Variants in MARCHF1 observed in about 807,000 individuals in gnomAD.
MARCHF1 encodes E3 ubiquitin-protein ligase MARCHF1.
A neutral mutation model predicts 54.2 loss-of-function variants in MARCHF1; 40 were observed. The ratio of observed to expected loss-of-function variants is 0.74; its 90% CI spans 0.57 to 0.96. MARCHF1 has a LOEUF of 0.96. Among genes scored for constraint, MARCHF1 ranks in the 40% least tolerant of loss-of-function variants. The pLI is 0.00. For synonymous variants in MARCHF1, 236 were observed against 236.3 expected, an observed-to-expected ratio of 1.00 and a Z score of 0.01; for missense variants, 586 against 656.5, an observed-to-expected ratio of 0.89 and a Z score of 1.17.
At chr4:163,948,498 T>C (rs1752066680) in intron 3 of MARCHF1, among the ~76,000 whole-genome samples, 1 of 152,224 alleles carries the variant, frequency 6.6e-6, no homozygotes, top group African/African-American at 2.4e-5. Context: ...AAGTAGTATG[T>C]GATTAGTCAT....
chr4:164,306,569 G>A (rs950108747), intron 1 of MARCHF1, among the ~76,000 whole-genome samples: 8 of 152,008 alleles, frequency 5.3e-5, no homozygotes, highest in African/African-American at 1.4e-4. Context: ...TACCTCTTAG[G>A]CCCTCCCCTG....
chr4:163,675,557 A>C (rs1362013739), intron 5 of MARCHF1, among the ~76,000 whole-genome samples: 1 of 152,234 alleles, frequency 6.6e-6, no homozygotes, highest in Admixed American at 6.5e-5. Context: ...TAAGTTCTAG[A>C]AAATATTAAC....
At chr4:163,973,223 C>T (rs935692856) in intron 3 of MARCHF1, among the ~76,000 whole-genome samples, 2 of 152,188 alleles carry the variant, frequency 1.3e-5, no homozygotes, top group Non-Finnish European at 2.9e-5. Context: ...AACATAGTAA[C>T]TTTCAACAAC....
At chr4:163,778,511 GGTAA>G (rs546099004) in intron 4 of MARCHF1, among the ~76,000 whole-genome samples, 4 of 152,104 alleles carry the variant, frequency 2.6e-5, no homozygotes, top group Admixed American at 1.3e-4. Flanking sequence ...CATTTGCTCT[GGTAA>G]GTGTCTGTTC....
chr4:163,662,451 C>T (rs1743374764), intron 5 of MARCHF1, among the ~76,000 whole-genome samples: 1 of 151,522 alleles, frequency 6.6e-6, no homozygotes, highest in African/African-American at 2.4e-5. Context: ...TTCCTTTTTT[C>T]CCCCAAACTT....
intron 1 of MARCHF1, among the ~76,000 whole-genome samples, chr4:164,365,363 CTT>C (rs1324619608): frequency 1.3e-5 from 2 of 151,978 alleles, no homozygotes; most frequent in African/African-American, 4.8e-5. Flanking sequence ...ATTAACAAGA[CTT>C]TGCTTTCTTA....
Position 163,793,556 on chromosome 4 carries a change from C to T in MARCHF1, c.111+60465G>A, listed in dbSNP as rs895315046. Among the ~76,000 whole-genome samples, 9 of 151,998 alleles carry T rather than the reference C, an allele frequency of 5.9e-5. 1 individual carries two copies. The highest frequency in any genetic ancestry group is 4.1e-4 in the South Asian group (2 of 4,820). The stretch of plus-strand genomic sequence containing the variant: ...TTGGTCATACTAAGGGAGGAGACCA[C>T]CCCTCATATTGTCTTATGCCCAATT... On this transcript the variant is annotated intron_variant, in intron 4 of 9. Transcript: ENST00000514618.
At chr4:164,197,297 T>G in intron 1 of MARCHF1, 3 of 1,611,812 alleles carry the variant, frequency 1.9e-6, no homozygotes, top group Non-Finnish European at 2.5e-6. Flanking sequence ...TCGAGATATG[T>G]GAGTTGCAGG....
intron 3 of MARCHF1, among the ~76,000 whole-genome samples, chr4:163,950,529 C>A (rs1367283740): frequency 6.6e-6 from 1 of 152,048 alleles, no homozygotes; most frequent in Non-Finnish European, 1.5e-5. Context: ...GGGTCTGCAG[C>A]CCTGGCTAGA....
chr4:163,574,341 G>C (rs1739961180), intron 8 of MARCHF1, among the ~76,000 whole-genome samples: 1 of 151,886 alleles, frequency 6.6e-6, no homozygotes, highest in Non-Finnish European at 1.5e-5. Flanking sequence ...TGTCAATTTT[G>C]GCTTTTGTTG....
In MARCHF1 at chr4:163,541,322, T is replaced by C. The variant is rs73866787; in HGVS notation, c.1339+4274A>G. 6.2e-3 allele frequency among the ~76,000 whole-genome samples: 935 copies of C among 152,004 alleles called. 9 individuals are homozygous for C. The highest frequency in any genetic ancestry group is 0.021 in the African/African-American group (863 of 41,430). On this transcript the variant is annotated intron_variant, in intron 9 of 9. Coordinates refer to ENST00000514618, the MANE Select transcript of MARCHF1 (RefSeq NM_001394959.1). ...TGAAATACTTCTGGGGCAACTTTAC[T>C]ATCTACACCTACAGTCTCTTTAATA...
chr4:163,631,608 C>T (rs901811331), intron 5 of MARCHF1, among the ~76,000 whole-genome samples: 2 of 151,794 alleles, frequency 1.3e-5, no homozygotes, highest in African/African-American at 4.8e-5. Context: ...TGCATTTTGC[C>T]TAAGAATAAG....
intron 5 of MARCHF1, among the ~76,000 whole-genome samples, chr4:163,680,641 T>C: frequency 6.6e-6 from 1 of 152,348 alleles, no homozygotes; most frequent in South Asian, 2.1e-4. Flanking sequence ...TCTGTGGAAC[T>C]AGGAGTGTTT....
At chr4:163,975,262 G>A (rs1174797414) in intron 3 of MARCHF1, among the ~76,000 whole-genome samples, 1 of 148,272 alleles carries the variant, frequency 6.7e-6, no homozygotes, top group Non-Finnish European at 1.5e-5. Flanking sequence ...TGACAACTCT[G>A]ACTAATGCAG....
At chr4:164,062,768 C>A (rs1406330060) in intron 2 of MARCHF1, among the ~76,000 whole-genome samples, 1 of 152,174 alleles carries the variant, frequency 6.6e-6, no homozygotes, top group Non-Finnish European at 1.5e-5. Context: ...AGGTGATCCG[C>A]CCGCCTCGGC....
At chr4:163,591,495 A>G (rs2110848466) in intron 7 of MARCHF1, among the ~76,000 whole-genome samples, 1 of 152,206 alleles carries the variant, frequency 6.6e-6, no homozygotes, top group Middle Eastern at 3.4e-3. Flanking sequence ...TTATGAGCTG[A>G]ATAAATTCAT....
At chr4:164,382,161 C>A (rs1731389074) in intron 1 of MARCHF1, among the ~76,000 whole-genome samples, 1 of 152,162 alleles carries the variant, frequency 6.6e-6, no homozygotes, top group South Asian at 2.1e-4. Flanking sequence ...ATTATCTCAC[C>A]CAGTTTCTTT....
chr4:163,678,646 G>C (rs1000528991), intron 5 of MARCHF1, among the ~76,000 whole-genome samples: 4 of 152,158 alleles, frequency 2.6e-5, no homozygotes, highest in African/African-American at 4.8e-5. Flanking sequence ...GTGGCATAAA[G>C]CTGACAGTAG....
chr4:164,320,346 G>T (rs1156477537), intron 1 of MARCHF1, among the ~76,000 whole-genome samples: 1 of 152,052 alleles, frequency 6.6e-6, no homozygotes, highest in African/African-American at 2.4e-5. Flanking sequence ...TTAATGAGAG[G>T]GGAGCCCTTG....
Sources: allele counts gnomAD v4.1 joint callset (sites outside exome capture counted in the v4.1 genomes callset), GRCh38; gene constraint gnomAD v4.1.1; transcripts MANE v1.5; gene names NCBI Gene and HGNC (gene_info 2026-07-23, HGNC 2026-07-21).